Variants in PSD3 observed in about 807,000 individuals in gnomAD.
PSD3 encodes the protein pleckstrin and Sec7 domain containing 3.
In PSD3, 49 loss-of-function variants were observed where a neutral mutation model predicts 105.5. The ratio of observed to expected loss-of-function variants is 0.46; its 90% CI spans 0.37 to 0.59. PSD3 has a LOEUF of 0.59. Ranked by LOEUF, PSD3 falls within the 20% of genes least tolerant of loss-of-function variation. PSD3 has a pLI of 0.00. For synonymous variants in PSD3, 557 were observed against 457.8 expected, an observed-to-expected ratio of 1.22 and a Z score of -2.77; for missense variants, 1,561 against 1,263.8, an observed-to-expected ratio of 1.24 and a Z score of -3.57.
At chr8:18,688,265 T>A (rs1438028751) in intron 9 of PSD3, among the ~76,000 whole-genome samples, 1 of 151,904 alleles carries the variant, frequency 6.6e-6, no homozygotes, top group East Asian at 1.9e-4. Context: ...TGTTTGTTTG[T>A]TTGTTTGTTT....
intron 1 of PSD3, among the ~76,000 whole-genome samples, chr8:18,956,693 T>C (rs567436783): frequency 2.6e-4 from 40 of 152,342 alleles, no homozygotes; most frequent in Admixed American, 1.0e-3. Context: ...TTGGTAAATA[T>C]AGCACACAAC....
intron 1 of PSD3, among the ~76,000 whole-genome samples, chr8:19,064,623 G>A (rs995147919): frequency 2.6e-5 from 4 of 152,038 alleles, no homozygotes; most frequent in Non-Finnish European, 4.4e-5. Context: ...AATGTGATGA[G>A]GTCCCCCCTA....
intron 11 of PSD3, among the ~76,000 whole-genome samples, chr8:18,631,640 A>T (rs1806901761): frequency 6.6e-6 from 1 of 151,876 alleles, no homozygotes; most frequent in African/African-American, 2.4e-5. Context: ...GTTCTGATAC[A>T]ATGTTGTGGG....
intron 11 of PSD3, among the ~76,000 whole-genome samples, chr8:18,618,634 A>G (rs1349637960): frequency 2.7e-4 from 38 of 141,132 alleles, no homozygotes; most frequent in South Asian, 7.4e-4. Flanking sequence ...TACACACCAT[A>G]ACAGGTATTA....
At chr8:18,557,971 C>T (rs573520222) in intron 14 of PSD3, among the ~76,000 whole-genome samples, 9 of 152,252 alleles carry the variant, frequency 5.9e-5, no homozygotes, top group East Asian at 3.9e-4. Flanking sequence ...AAGAGTGGGG[C>T]ATATATCCAA....
intron 14 of PSD3, 50 bp downstream of exon 14, chr8:18,572,478 A>T (rs1294010805): frequency 1.3e-6 from 2 of 1,584,092 alleles, no homozygotes; most frequent in African/African-American, 1.3e-5. Flanking sequence ...TTATCACATT[A>T]TTTTACAAAG....
chr8:18,575,206 T>C lies in PSD3; in HGVS notation c.2561A>G (p.Lys854Arg). 6.2e-7 allele frequency: 1 copy of C among 1,614,020 alleles called. No homozygotes were observed. The highest frequency in any genetic ancestry group is 2.2e-5 in the East Asian group (1 of 44,862). Residue 854 changes from lysine to arginine, a missense_variant, in exon 13 of 16, where the codon AAG (lysine) becomes AGG (arginine). Lys to Arg is a conservative substitution (Grantham distance 26, BLOSUM62 2). Transcript: ENST00000327040. ...AVSVHHALAS[K>R]ATDYEKKPNV... ...TGGTTTCTTCTCATAGTCCGTGGCC[T>C]TGGATGCCAATGCGTGGTGCACACT... is the stretch of plus-strand genomic sequence containing the variant.
intron 1 of PSD3, among the ~76,000 whole-genome samples, chr8:18,936,481 T>G (rs1822143354): frequency 6.6e-6 from 1 of 152,190 alleles, no homozygotes; most frequent in Admixed American, 6.5e-5. Flanking sequence ...AACTATATTT[T>G]GGCTGGACGC....
At chr8:18,914,406 T>C (rs1193050936) in intron 2 of PSD3, among the ~76,000 whole-genome samples, 2 of 152,022 alleles carry the variant, frequency 1.3e-5, no homozygotes, top group African/African-American at 4.8e-5. Flanking sequence ...GGCAGCCAAA[T>C]TGAAAAGGAA....
chr8:18,821,575 A>C (rs1461262951), intron 4 of PSD3, among the ~76,000 whole-genome samples: 2 of 152,026 alleles, frequency 1.3e-5, no homozygotes, highest in African/African-American at 4.8e-5. Flanking sequence ...ATTGTTTCTC[A>C]TTTGTGACCA....
chr8:18,903,855 G>A (rs1819669062), intron 2 of PSD3, among the ~76,000 whole-genome samples: 1 of 152,092 alleles, frequency 6.6e-6, no homozygotes, highest in African/African-American at 2.4e-5. Flanking sequence ...GCTGAGGGAA[G>A]GTGTGACTTC....
chr8:19,031,781 C>T (rs1034047448), intron 1 of PSD3, among the ~76,000 whole-genome samples: 5 of 152,066 alleles, frequency 3.3e-5, no homozygotes, highest in East Asian at 1.9e-4. Context: ...GAAAAATAAA[C>T]CCACGAGCAA....
At chr8:18,571,289 C>A (rs1254434225) in intron 14 of PSD3, among the ~76,000 whole-genome samples, 1 of 152,194 alleles carries the variant, frequency 6.6e-6, no homozygotes, top group South Asian at 2.1e-4. Context: ...TTTTTCTCAA[C>A]ACTGTGCTCA....
intron 12 of PSD3, among the ~76,000 whole-genome samples, chr8:18,594,895 T>G (rs1184208709): frequency 6.6e-6 from 1 of 152,108 alleles, no homozygotes; most frequent in African/African-American, 2.4e-5. Context: ...TGGAACTTTT[T>G]TTTTCTGAAT....
chr8:18,798,513 T>C (rs1363124840), intron 8 of PSD3, among the ~76,000 whole-genome samples: 1 of 152,154 alleles, frequency 6.6e-6, no homozygotes, highest in East Asian at 1.9e-4. Context: ...ATTATGTGAC[T>C]AGCAGAATAT....
At chr8:19,051,431 C>A (rs1053362957) in intron 1 of PSD3, among the ~76,000 whole-genome samples, 1 of 152,152 alleles carries the variant, frequency 6.6e-6, no homozygotes, top group East Asian at 1.9e-4. Flanking sequence ...TCTATAAACT[C>A]CATGAATGCA....
intron 9 of PSD3, among the ~76,000 whole-genome samples, chr8:18,713,063 G>C (rs1802353057): frequency 6.6e-6 from 1 of 152,096 alleles, no homozygotes; most frequent in African/African-American, 2.4e-5. Flanking sequence ...ATACCAAAAA[G>C]ACCTTTGATA....
At chr8:18,895,081 A>G (rs1159261487) in intron 2 of PSD3, among the ~76,000 whole-genome samples, 1 of 152,170 alleles carries the variant, frequency 6.6e-6, no homozygotes, top group Admixed American at 6.5e-5. Context: ...GGAATCCTGC[A>G]CTGAGGACAG....
chr8:18,585,239 T>C (rs896158502), intron 12 of PSD3, among the ~76,000 whole-genome samples: 2 of 152,174 alleles, frequency 1.3e-5, no homozygotes, highest in Non-Finnish European at 2.9e-5. Flanking sequence ...AAGGCCTAAC[T>C]CTTAATCATT....
Sources: allele counts gnomAD v4.1 joint callset (sites outside exome capture counted in the v4.1 genomes callset), GRCh38; gene constraint gnomAD v4.1.1; transcripts MANE v1.5; gene names NCBI Gene and HGNC (gene_info 2026-07-23, HGNC 2026-07-21).